Variants in RBFOX1 observed in about 807,000 individuals in gnomAD.
RBFOX1 encodes RNA binding fox-1 homolog 1.
Under a neutral mutation model 57.7 loss-of-function variants are expected in RBFOX1, and 8 were observed. The observed-to-expected ratio is 0.14, with a 90% confidence interval of 0.08 to 0.25. The LOEUF (loss-of-function observed/expected upper bound fraction) is 0.25, where lower values mean the gene tolerates loss of function less well. RBFOX1 is among the 10% of genes least tolerant of loss of function. The pLI is 1.00. For missense variants in RBFOX1, 611 were observed against 548.5 expected, an observed-to-expected ratio of 1.11 and a Z score of -1.14; for synonymous variants, 326 against 222.4, an observed-to-expected ratio of 1.47 and a Z score of -4.15.
At chr16:6,893,792 A>G (rs1053262113) in intron 3 of RBFOX1, among the ~76,000 whole-genome samples, 2 of 152,218 alleles carry the variant, frequency 1.3e-5, no homozygotes, top group Admixed American at 6.5e-5. Flanking sequence ...TATTCTTTCA[A>G]GGTATCTAAA....
chr16:5,263,504 G>A lies in RBFOX1; in HGVS notation c.219+23399G>A, dbSNP rs149956189. Among the ~76,000 whole-genome samples, 17 of 152,246 alleles carry A rather than the reference G, an allele frequency of 1.1e-4. No homozygotes were observed. The East Asian group carries it at 3.3e-3, about 29-fold the overall frequency. On this transcript the variant is annotated intron_variant, in intron 1 of 2. Coordinates refer to the RBFOX1 transcript ENST00000585867. The stretch of plus-strand genomic sequence containing the variant: ...CATGTGGAGACTTAAGTATGATTAT[G>A]TGTTAAACGCCTGGCACATACATGG...
At chr16:6,029,100 A>G (rs1210568224) in intron 1 of RBFOX1, among the ~76,000 whole-genome samples, 1 of 151,964 alleles carries the variant, frequency 6.6e-6, no homozygotes, top group Non-Finnish European at 1.5e-5. Context: ...ATTTTTTTTT[A>G]CCTTGTGGTA....
At chr16:6,350,735 A>G (rs2086217692) in intron 2 of RBFOX1, among the ~76,000 whole-genome samples, 1 of 152,172 alleles carries the variant, frequency 6.6e-6, no homozygotes, top group South Asian at 2.1e-4. Context: ...AGCCTCATTA[A>G]CAACACTAGG....
chr16:6,083,407 T>C (rs2096037951), intron 1 of RBFOX1, among the ~76,000 whole-genome samples: 1 of 152,254 alleles, frequency 6.6e-6, no homozygotes, highest in African/African-American at 2.4e-5. Flanking sequence ...TTCCTAGATA[T>C]GCTGTTGAAG....
intron 1 of RBFOX1, among the ~76,000 whole-genome samples, chr16:5,294,240 A>G (rs1290743362): frequency 6.6e-6 from 1 of 152,098 alleles, no homozygotes; most frequent in Non-Finnish European, 1.5e-5. Context: ...AAAACAAAAA[A>G]CAAGAAACAC....
At chr16:5,786,805 G>C (rs1252132103) in intron 3 of RBFOX1, among the ~76,000 whole-genome samples, 3 of 152,180 alleles carry the variant, frequency 2.0e-5, no homozygotes, top group African/African-American at 7.2e-5. Flanking sequence ...GACCTCATCA[G>C]AGAGTGATGG....
intron 4 of RBFOX1, among the ~76,000 whole-genome samples, chr16:7,107,409 T>A (rs1178512467): frequency 6.6e-6 from 1 of 152,182 alleles, no homozygotes; most frequent in Non-Finnish European, 1.5e-5. Context: ...GGACCTCACC[T>A]TAGGATTCCT....
chr16:5,659,303 C>CT (rs779525957), intron 3 of RBFOX1, among the ~76,000 whole-genome samples: 18,132 of 128,916 alleles, frequency 0.14, 1,583 homozygotes, highest in East Asian at 0.25. Context: ...ATTGGTATAT[C>CT]TTTTTTTTTT....
intron 2 of RBFOX1, among the ~76,000 whole-genome samples, chr16:6,584,438 G>C (rs1304909899): frequency 2.0e-5 from 3 of 150,440 alleles, no homozygotes; most frequent in African/African-American, 4.9e-5. Flanking sequence ...CATGATCTTA[G>C]CACACTCCAA....
chr16:5,818,688 G>T (rs897468214), intron 3 of RBFOX1, among the ~76,000 whole-genome samples: 1 of 152,200 alleles, frequency 6.6e-6, no homozygotes, highest in African/African-American at 2.4e-5. Context: ...AAAACAGAGA[G>T]TCTTGACCGT....
chr16:6,394,943 A>G (rs1009258164), intron 2 of RBFOX1, among the ~76,000 whole-genome samples: 1 of 152,190 alleles, frequency 6.6e-6, no homozygotes, highest in African/African-American at 2.4e-5. Flanking sequence ...CTCTTGTTAC[A>G]TTTGGTCTTC....
At chr16:5,927,374 C>G (rs531690843) in intron 4 of RBFOX1, among the ~76,000 whole-genome samples, 1 of 152,166 alleles carries the variant, frequency 6.6e-6, no homozygotes, top group East Asian at 1.9e-4. Flanking sequence ...ACTCTAGGCA[C>G]CAATGGCTTT....
At chr16:6,314,337 G>T (rs913457892) in intron 1 of RBFOX1, among the ~76,000 whole-genome samples, 1 of 152,156 alleles carries the variant, frequency 6.6e-6, no homozygotes, top group African/African-American at 2.4e-5. Flanking sequence ...GCCTGGGTAG[G>T]CCAAGTCCAC....
intron 3 of RBFOX1, among the ~76,000 whole-genome samples, chr16:7,005,960 C>G (rs116928580): frequency 0.015 from 2,224 of 152,222 alleles, 33 homozygotes; most frequent in Non-Finnish European, 0.024. Flanking sequence ...ATTCTTTAAC[C>G]CCTACTCAGG....
At chr16:6,143,142 A>G (rs189765068) in intron 1 of RBFOX1, among the ~76,000 whole-genome samples, 28 of 152,348 alleles carry the variant, frequency 1.8e-4, no homozygotes, top group African/African-American at 4.3e-4. Context: ...CACTTTGTCC[A>G]AAGATTTCCC....
Position 7,640,904 on chromosome 16 carries a change from T to TTAA in RBFOX1, c.757+10221_757+10222insTAA, listed in dbSNP as rs1555702673. ...TCCCCAAACTAATGTGGATTTACAT[T>TTAA]AAAAAAAAAAAAAGGAATCCATTTT... On this transcript the variant is annotated intron_variant, in intron 11 of 15. Transcript: ENST00000550418. Among the ~76,000 whole-genome samples, 7 of 147,172 alleles carry TTAA rather than the reference T, an allele frequency of 4.8e-5. 1 individual carries two copies. Among genetic ancestry groups the TTAA allele is most frequent in the South Asian group, 4.4e-4 (2 of 4,562 alleles).
chr16:6,439,696 C>T (rs926434759), intron 2 of RBFOX1, among the ~76,000 whole-genome samples: 1 of 152,082 alleles, frequency 6.6e-6, no homozygotes, highest in Non-Finnish European at 1.5e-5. Flanking sequence ...CAGCTGTAGC[C>T]CACAATATCT....
At chr16:6,565,228 C>T (rs1381581489) in intron 2 of RBFOX1, among the ~76,000 whole-genome samples, 3 of 150,698 alleles carry the variant, frequency 2.0e-5, no homozygotes, top group Admixed American at 1.3e-4. Context: ...AGCCATAGGC[C>T]CCCAAATGTG....
chr16:6,182,631 C>G (rs752698674), intron 1 of RBFOX1, among the ~76,000 whole-genome samples: 3 of 152,024 alleles, frequency 2.0e-5, no homozygotes, highest in Non-Finnish European at 4.4e-5. Context: ...TTCATTTTAA[C>G]CTATATAACA....
Sources: gnomAD v4.1 joint callset for allele counts (sites outside exome capture counted in the v4.1 genomes callset) on GRCh38, gnomAD v4.1.1 for gene constraint, MANE v1.5 for transcripts, NCBI Gene and HGNC (gene_info 2026-07-23, HGNC 2026-07-21) for gene names.